Variants in MRPL16 observed in about 807,000 individuals in gnomAD.
The protein encoded by MRPL16 is large ribosomal subunit protein uL16m.
MRPL16 carries 17 observed loss-of-function variants against 22.7 expected under a neutral mutation model. The observed-to-expected ratio is 0.75, with a 90% CI of 0.51 to 1.12. MRPL16 has a LOEUF of 1.12. MRPL16 is among the 50% of genes most tolerant of loss of function. MRPL16 has a pLI of 0.00. For synonymous variants in MRPL16, 103 were observed against 112.8 expected, an observed-to-expected ratio of 0.91 and a Z score of 0.55; for missense variants, 316 against 328.7, an observed-to-expected ratio of 0.96 and a Z score of 0.30.
intron 2 of MRPL16, 32 bp downstream of exon 2, chr11:59,809,823 G>T (rs1395068788): frequency 4.4e-6 from 7 of 1,589,466 alleles, no homozygotes; most frequent in Non-Finnish European, 1.7e-6. Context: ...TCAGAGAAAA[G>T]ATTTACGAAC....
At chr11:59,806,967 T>C in intron 3 of MRPL16, 135 bp from the exon 4 acceptor site, 1 of 1,292,648 alleles carries the variant, frequency 7.7e-7, no homozygotes, top group Non-Finnish European at 1.0e-6. Flanking sequence ...ATAAGTCCCA[T>C]GGAGGAAAAG....
chr11:59,809,494 C>T (rs978927541), intron 2 of MRPL16: 11 of 223,862 alleles, frequency 4.9e-5, no homozygotes, highest in Non-Finnish European at 8.9e-5. Flanking sequence ...ATCCACCCGC[C>T]TCCGCCTCCT....
intron 2 of MRPL16, chr11:59,809,628 C>T: frequency 2.0e-6 from 1 of 508,030 alleles, no homozygotes; most frequent in Non-Finnish European, 3.5e-6. Flanking sequence ...GGAGCTATCT[C>T]ATTAGACGCT....
intron 1 of MRPL16, chr11:59,810,291 G>C: frequency 7.9e-7 from 1 of 1,272,122 alleles, no homozygotes; most frequent in Non-Finnish European, 9.9e-7. Context: ...TTAAAGGCGT[G>C]AGCCACCGCG....
chr11:59,807,659 C>A (rs760616816), intron 3 of MRPL16, 42 bp downstream of exon 3: 1 of 1,578,766 alleles, frequency 6.3e-7, no homozygotes, highest in Non-Finnish European at 8.6e-7. Context: ...TTGTTATTCC[C>A]TAGCTTCCAT....
Position 59,810,685 on chromosome 11 carries a change from C to A in MRPL16, c.-27G>T, listed in dbSNP as rs752902975. 1.2e-6 allele frequency: 2 copies of A among 1,613,422 alleles called. No homozygotes were observed. Among genetic ancestry groups the A allele is most frequent in the South Asian group, 2.2e-5 (2 of 91,004 alleles). On this transcript the variant is annotated 5_prime_UTR_variant, in exon 1 of 4. Transcript: ENST00000300151. ...GTCACGGGCGTCCGGCGGCGCGGAGCTCCCCCAGCGACTCCGGCTGTCTCC... is the reference window on the plus strand; with the variant it reads ...GTCACGGGCGTCCGGCGGCGCGGAGATCCCCCAGCGACTCCGGCTGTCTCC...
In MRPL16 at chr11:59,806,786, C is replaced by A. The variant is rs1359217474; in HGVS notation, c.317G>T (p.Arg106Leu). Residue 106 changes from arginine (R) to leucine (L), a missense_variant, in exon 4 of 4, where the codon CGC becomes CTC. Coordinates refer to ENST00000300151, the MANE Select transcript of MRPL16 (RefSeq NM_017840.4). ...YLHWGHFEMMRLTINRSMDPK... is the reference protein window; with the variant it reads ...YLHWGHFEMMLLTINRSMDPK... ...GTCCATAGAGCGGTTGATTGTCAGG[C>A]GCATCATTTCAAAGTGGCCCCAATG... The A allele has an allele frequency of 1.2e-6, 2 of 1,612,222 alleles. No individual in the cohort carries two copies. The highest frequency in any genetic ancestry group is 1.7e-5 in the Admixed American group (1 of 59,990).
chr11:59,809,802 C>G lies in MRPL16; in HGVS notation c.121+53G>C. The G allele has an allele frequency of 2.3e-5, 35 of 1,505,054 alleles. No individual in the cohort carries two copies. The South Asian group carries it at 4.0e-4, about 17-fold the overall frequency. 93.2% of individuals were successfully genotyped at this position (1,505,054 alleles called of 1,614,324 possible). A position where few individuals can be genotyped will look rare whatever the true frequency, so the allele number is the denominator to read the frequency against. The stretch of plus-strand genomic sequence containing the variant: ...ATTCCTATGTCATCTCCCACCCGCT[C>G]CTGGTTTCCATCAGAGAAAAGATTT... On this transcript the variant is annotated intron_variant, in intron 2 of 3. Transcript: ENST00000300151.
At chr11:59,809,781 C>G in intron 2 of MRPL16, 74 bp downstream of exon 2, 1 of 1,310,886 alleles carries the variant, frequency 7.6e-7, no homozygotes, top group Non-Finnish European at 1.1e-6. Flanking sequence ...GAGAACATTC[C>G]TATGTCATCT....
In MRPL16 at chr11:59,807,812, A is replaced by G. The variant is rs751133898; in HGVS notation, c.159T>C (p.Ile53=). 4 of 1,612,500 alleles carry G rather than the reference A, an allele frequency of 2.5e-6. No homozygotes were observed. The highest frequency in any genetic ancestry group is 3.4e-6 in the Non-Finnish European group (4 of 1,179,344). ...CTTTTGGCACAAGTGGTGCCCTTTC[A>G]ATAAATCTAAGCTTGGGTTTTTCAG... ...SIPEKPKLRF[I]ERAPLVPKVR... The change falls in exon 3 of 4, where the codon ATT becomes ATC. Residue 53 remains isoleucine, a synonymous_variant. Transcript: ENST00000300151.
intron 3 of MRPL16, 148 bp downstream of exon 3, chr11:59,807,553 G>A: frequency 1.4e-6 from 1 of 705,394 alleles, no homozygotes; most frequent in South Asian, 3.8e-5. Flanking sequence ...TGGGTACCCA[G>A]TAGCCTCTGT....
rs1590846260 is a variant in MRPL16 at position 59,806,439 on chromosome 11, T to C, written c.664A>G (p.Asn222Asp). 3 of 1,614,260 alleles carry C rather than the reference T, an allele frequency of 1.9e-6. No homozygotes were observed. Among genetic ancestry groups the C allele is most frequent in the Middle Eastern group, 1.6e-4 (1 of 6,062 alleles). ...PWTFERIATA[N>D]MLGIRKVLSP... ...AGTACTTTCCGTATGCCCAGCATGT[T>C]GGCAGTGGCTATTCGCTCAAATGTC... Residue 222 changes from asparagine to aspartate, a missense_variant, in exon 4 of 4, where the codon AAC becomes GAC. Asn to Asp is a conservative substitution (Grantham distance 23). Coordinates refer to ENST00000300151, the MANE Select transcript of MRPL16 (RefSeq NM_017840.4).
intron 2 of MRPL16, 52 bp downstream of exon 2, chr11:59,809,803 C>G: frequency 5.9e-6 from 9 of 1,513,832 alleles, no homozygotes; most frequent in Non-Finnish European, 8.2e-6. Flanking sequence ...CCACCCGCTC[C>G]TGGTTTCCAT....
At chr11:59,809,026 C>T (rs768134650) in intron 2 of MRPL16, among the ~76,000 whole-genome samples, 1 of 152,018 alleles carries the variant, frequency 6.6e-6, no homozygotes, top group Non-Finnish European at 1.5e-5. Flanking sequence ...AGAAGCTGCC[C>T]CTCAACTTCT....
Position 59,806,697 on chromosome 11 carries a change from C to T in MRPL16, c.406G>A (p.Val136Ile). The T allele has an allele frequency of 6.2e-7, 1 of 1,614,196 alleles. No individual in the cohort carries two copies. The highest frequency in any genetic ancestry group is 8.5e-7 in the Non-Finnish European group (1 of 1,180,048). ...APFKPITRKS[V>I]GHRMGGGKGA... Reference sequence around the variant, plus strand: ...TTGCCTCCCCCCATGCGATGCCCAACACTTTTGCGAGTGATGGGCTTGAAA... The same window carrying T: ...TTGCCTCCCCCCATGCGATGCCCAATACTTTTGCGAGTGATGGGCTTGAAA... The change falls in exon 4 of 4, where the codon GTT becomes ATT. Residue 136 changes from valine to isoleucine, a missense_variant. Val to Ile is a conservative substitution (Grantham distance 29). Coordinates refer to ENST00000300151, the MANE Select transcript of MRPL16 (RefSeq NM_017840.4).
At position 59,806,461 on chromosome 11, in the gene MRPL16, T is replaced by C. The variant is rs1228111957; in HGVS notation, c.642A>G (p.Thr214=). The change falls in exon 4 of 4, where the codon ACA becomes ACG. Residue 214 remains threonine (T), a synonymous_variant. Coordinates refer to ENST00000300151, the MANE Select transcript of MRPL16 (RefSeq NM_017840.4). ...ERERNNQNPW[T]FERIATANML... is the part of the protein sequence containing the mutation. ...TGTTGGCAGTGGCTATTCGCTCAAA[T>C]GTCCAGGGGTTCTGGTTGTTACGTT... 3 of 1,614,242 alleles carry C rather than the reference T, an allele frequency of 1.9e-6. No homozygotes were observed. The highest frequency in any genetic ancestry group is 1.1e-5 in the South Asian group (1 of 91,090).
At chr11:59,806,855 G>C (rs1171137883) in intron 3 of MRPL16, 23 bp from the exon 4 acceptor site, 1 of 1,595,698 alleles carries the variant, frequency 6.3e-7, no homozygotes, top group Admixed American at 1.7e-5. Context: ...GGGAGAATTA[G>C]AAACACATGC....
Position 59,809,210 on chromosome 11 carries a change from T to C in MRPL16, c.121+645A>G, listed in dbSNP as rs182086251. Among the ~76,000 whole-genome samples the C allele has an allele frequency of 3.5e-3, 526 of 152,348 alleles. 3 individuals carry two copies. The highest frequency in any genetic ancestry group is 0.012 in the African/African-American group (486 of 41,576). On this transcript the variant is annotated intron_variant, in intron 2 of 3. Transcript: ENST00000300151. ...TTTAAAAAGTAAACTAGTTTTACGA[T>C]ATTGTGGCTTAAATTTAACAAATTA...
intron 2 of MRPL16, 108 bp from the exon 3 acceptor site, chr11:59,807,957 A>AT: frequency 7.7e-7 from 1 of 1,301,296 alleles, no homozygotes; most frequent in Non-Finnish European, 1.0e-6. Flanking sequence ...TTTCTTCTTC[A>AT]TTTTTTGGTA....
Sources: gnomAD v4.1 joint callset for allele counts (sites outside exome capture counted in the v4.1 genomes callset) on GRCh38, gnomAD v4.1.1 for gene constraint, MANE v1.5 for transcripts, NCBI Gene and HGNC (gene_info 2026-07-23, HGNC 2026-07-21) for gene names.